The following SYNE3 variants were observed in gnomAD, a reference collection of about 807,000 sequenced individuals.
SYNE3 encodes nesprin-3.
A neutral mutation model predicts 111.2 loss-of-function variants in SYNE3; 100 were observed. The ratio of observed to expected loss-of-function variants is 0.90; its 90% confidence interval spans 0.77 to 1.06. The LOEUF (loss-of-function observed/expected upper bound fraction) is 1.06. Among genes scored for constraint, SYNE3 ranks in the 50% least tolerant of loss-of-function variants. SYNE3 has a pLI of 0.00. For missense variants in SYNE3, 1,160 were observed against 1,240.3 expected, an observed-to-expected ratio of 0.94 and a Z score of 0.97; for synonymous variants, 547 against 533.9, an observed-to-expected ratio of 1.02 and a Z score of -0.34.
rs760060634 is a variant in SYNE3 at position 95,433,420 on chromosome 14, C to T, written c.2539-11G>A. 11 of 1,613,488 alleles carry T rather than the reference C, an allele frequency of 6.8e-6. No homozygotes were observed. Among genetic ancestry groups the T allele is most frequent in the African/African-American group, 1.3e-5 (1 of 75,060 alleles). On this transcript the variant is annotated splice_polypyrimidine_tract_variant and intron_variant, in intron 15 of 17. Transcript: ENST00000682763. Reference sequence around the variant, plus strand: ...CCGAGCCTCCAGCTCCTGGGGGAAACAGCAGCGTCATGGTGCGGCTTCCAA... The same window carrying T: ...CCGAGCCTCCAGCTCCTGGGGGAAATAGCAGCGTCATGGTGCGGCTTCCAA...
chr14:95,469,057 C>G lies in SYNE3; in HGVS notation c.145-1090G>C, dbSNP rs115315962. ...CATGAGCACGCTGCCCAGCCCACAC[C>G]GCAACCCAGTCACTACCTGCTCACT... On this transcript the variant is annotated intron_variant, in intron 2 of 17. Transcript: ENST00000682763. 6.4e-3 allele frequency among the ~76,000 whole-genome samples: 979 copies of G among 152,266 alleles called. 9 individuals carry two copies. The highest frequency in any genetic ancestry group is 0.022 in the African/African-American group (896 of 41,528).
rs1238732097 is a variant in SYNE3 at position 95,409,387 on chromosome 14, C to G, written c.*8439G>C. On this transcript the variant is annotated 3_prime_UTR_variant, in exon 18 of 18. Transcript: ENST00000682763. ...GGAAGAGGGACTGTAGGACTTTGTCCCTCATCTCCACAGAGGTGCTGGGGA... is the reference window on the plus strand; with the variant it reads ...GGAAGAGGGACTGTAGGACTTTGTCGCTCATCTCCACAGAGGTGCTGGGGA... 2 of 456,598 alleles carry G rather than the reference C, an allele frequency of 4.4e-6. No individual in the cohort carries two copies. The highest frequency in any genetic ancestry group is 8.8e-6 in the Non-Finnish European group (2 of 226,980). 28.3% of individuals were successfully genotyped at this position (456,598 alleles called of 1,614,324 possible).
chr14:95,487,388 G>C (rs1221398228), intron 1 of SYNE3, among the ~76,000 whole-genome samples: 4 of 152,150 alleles, frequency 2.6e-5, no homozygotes, highest in Non-Finnish European at 5.9e-5. Context: ...GCAAGGTGAG[G>C]GATAGAGTGA....
chr14:95,469,915 T>C (rs181230225), intron 2 of SYNE3, among the ~76,000 whole-genome samples: 41 of 152,242 alleles, frequency 2.7e-4, no homozygotes, highest in Admixed American at 2.3e-3. Context: ...GATAATAGTA[T>C]AGAAGGACTT....
rs191608374 is a variant in SYNE3, at chr14:95,411,561, A to T, written c.*6265T>A. The T allele has an allele frequency of 3.9e-5, 6 of 152,216 alleles. No individual in the cohort carries two copies. The East Asian group carries it at 1.2e-3, about 29-fold the overall frequency. The allele number at this position is 152,216 out of a possible 1,614,324, so 9.4% of individuals were successfully genotyped here. On this transcript the variant is annotated 3_prime_UTR_variant, in exon 18 of 18. Transcript: ENST00000682763. ...AGCAGCAAGGGCTGTAGTTGCCCACACCTCCCTCCAATGCTGACCTAGACT... is the reference window on the plus strand; with the variant it reads ...AGCAGCAAGGGCTGTAGTTGCCCACTCCTCCCTCCAATGCTGACCTAGACT...
Position 95,457,317 on chromosome 14 carries a change from G to A in SYNE3, c.649C>T (p.Gln217Ter). The A allele has an allele frequency of 6.2e-7, 1 of 1,611,366 alleles. No homozygotes were observed. The change falls in exon 5 of 18, where the codon CAG becomes TAG. Residue 217 changes from glutamine (Q) to a stop codon, truncating the protein, a stop_gained. Coordinates refer to ENST00000682763, the MANE Select transcript of SYNE3 (RefSeq NM_152592.6). LOFTEE classifies it high-confidence loss of function. ...TACTCCTCATGCTCCCGGGCCACCT[G>A]CTCCAGCAGATCTACACGCTTCTGT... is the stretch of plus-strand genomic sequence containing the variant. ...KAQKRVDLLEQVAREHEEYQA... is the reference protein window; with the variant it reads ...KAQKRVDLLE
rs796607190 is a variant in SYNE3, at chr14:95,436,679, A to C, written c.2538+141T>G. 28 of 982,412 alleles carry C rather than the reference A, an allele frequency of 2.9e-5. No homozygotes were observed. The South Asian group carries it at 2.9e-4, about 10-fold the overall frequency. The allele number at this position is 982,412 out of a possible 1,614,324, so 60.9% of individuals were successfully genotyped here. On this transcript the variant is annotated intron_variant, in intron 15 of 17. Coordinates refer to ENST00000682763, the MANE Select transcript of SYNE3 (RefSeq NM_152592.6). ...AGTTCTAAAATCTTTGAACCAAAAA[A>C]GTTTAAAAGCGATTATCTATACACA...
At chr14:95,435,822 A>G (rs1318973801) in intron 15 of SYNE3, among the ~76,000 whole-genome samples, 1 of 152,198 alleles carries the variant, frequency 6.6e-6, no homozygotes, top group Non-Finnish European at 1.5e-5. Context: ...TCTATAGTGA[A>G]AGGTTTTCAT....
At chr14:95,487,846 G>A (rs1188998000) in intron 1 of SYNE3, among the ~76,000 whole-genome samples, 3 of 151,990 alleles carry the variant, frequency 2.0e-5, no homozygotes, top group Non-Finnish European at 1.5e-5. Context: ...GATTTGAACT[G>A]TGTGGGTCCC....
intron 3 of SYNE3, among the ~76,000 whole-genome samples, chr14:95,467,162 A>G (rs1364467403): frequency 1.3e-5 from 2 of 152,130 alleles, no homozygotes; most frequent in Non-Finnish European, 2.9e-5. Flanking sequence ...TCCCATCTCC[A>G]TGCACATCCT....
rs199512224 is a variant in SYNE3 at position 95,433,313 on chromosome 14, G to A, written c.2635C>T (p.Arg879Cys). 5.2e-5 allele frequency: 84 copies of A among 1,614,176 alleles called. No homozygotes were observed. Among genetic ancestry groups the A allele is most frequent in the East Asian group, 2.2e-4 (10 of 44,876 alleles). ...GACTTGTACAGCATCCACTGGTAGC[G>A]CAGATCTTCCAGCTCATCCGAGGTC... ...RGTSDELEDL[R>C]YQWMLYKSKL... The change falls in exon 16 of 18, where the codon CGC (arginine) becomes TGC (cysteine). Residue 879 changes from arginine (R) to cysteine (C), a missense_variant. Arg to Cys is a radical substitution (Grantham distance 180). Transcript: ENST00000682763.
chr14:95,445,301 G>A (rs1234856099), intron 9 of SYNE3, among the ~76,000 whole-genome samples: 10 of 152,282 alleles, frequency 6.6e-5, no homozygotes, highest in East Asian at 1.9e-4. Context: ...CAGTGTCCTC[G>A]TGTGTAAAAC....
At chr14:95,446,155 G>T in intron 8 of SYNE3, 64 bp from the exon 9 acceptor site, 1 of 1,579,236 alleles carries the variant, frequency 6.3e-7, no homozygotes. Flanking sequence ...AACAGAGCCA[G>T]GGGCACAACT....
At chr14:95,461,593 C>T (rs45608034) in intron 4 of SYNE3, among the ~76,000 whole-genome samples, 3,596 of 152,262 alleles carry the variant, frequency 0.024, 57 homozygotes, top group South Asian at 0.039. Context: ...ACATGATGGA[C>T]GTCAAAAATG....
intron 7 of SYNE3, chr14:95,451,586 C>T (rs4905317): frequency 0.43 from 65,962 of 151,994 alleles, 14,598 homozygotes; most frequent in Admixed American, 0.59. Context: ...GGCCTGAGCA[C>T]GCTGTGGGAT....
rs144548617 is a variant in SYNE3, at chr14:95,497,363, G to A, written c.-15+19233C>T. ...TCTGAAGACTAGGTGAGTTCATATT[G>A]GTAAAGTGCTTAGAACAATGCTGGC... On this transcript the variant is annotated intron_variant, in intron 1 of 17. Coordinates refer to ENST00000682763, the MANE Select transcript of SYNE3 (RefSeq NM_152592.6). Among the ~76,000 whole-genome samples the A allele has an allele frequency of 2.5e-3, 375 of 152,228 alleles. 2 individuals are homozygous for A. The highest frequency in any genetic ancestry group is 2.5e-3 in the Non-Finnish European group (169 of 68,024).
chr14:95,419,480 TGTTA>T (rs1387187477), intron 17 of SYNE3, among the ~76,000 whole-genome samples: 4 of 152,156 alleles, frequency 2.6e-5, no homozygotes, highest in African/African-American at 9.7e-5. Flanking sequence ...TATTAGTAAC[TGTTA>T]GTGACATTCA....
At chr14:95,428,758 C>T (rs1885575548) in intron 17 of SYNE3, among the ~76,000 whole-genome samples, 3 of 152,194 alleles carry the variant, frequency 2.0e-5, no homozygotes, top group South Asian at 2.1e-4. Context: ...CAAACACACC[C>T]GCAGCAGTGA....
At chr14:95,461,046 G>A (rs1887777548) in intron 4 of SYNE3, among the ~76,000 whole-genome samples, 1 of 152,242 alleles carries the variant, frequency 6.6e-6, no homozygotes, top group Non-Finnish European at 1.5e-5. Flanking sequence ...AACAGTCACA[G>A]GGCAGAATCC....
Sources: gnomAD v4.1 joint callset for allele counts (sites outside exome capture counted in the v4.1 genomes callset) on GRCh38, gnomAD v4.1.1 for gene constraint, MANE v1.5 for transcripts, NCBI Gene and HGNC (gene_info 2026-07-23, HGNC 2026-07-21) for gene names.